The following PIK3R3 variants were observed in gnomAD, a reference collection of about 807,000 sequenced individuals.
The protein encoded by PIK3R3 is phosphatidylinositol 3-kinase regulatory subunit gamma.
In PIK3R3, 64 loss-of-function variants were observed where a neutral mutation model predicts 62.9. That is an observed-to-expected ratio of 1.02 (90% CI 0.83 to 1.25). The LOEUF is 1.25. Among genes scored for constraint, PIK3R3 ranks in the 50% most tolerant of loss-of-function variants. The pLI is 0.00. For missense variants in PIK3R3, 614 were observed against 561.6 expected, an observed-to-expected ratio of 1.09 and a Z score of -0.94; for synonymous variants, 165 against 189.0, an observed-to-expected ratio of 0.87 and a Z score of 1.04.
rs779829611 is a variant in PIK3R3, at chr1:46,061,981, T to C, written c.712A>G (p.Lys238Glu). 2.5e-6 allele frequency: 4 copies of C among 1,613,256 alleles called. No homozygotes were observed. In the South Asian group the frequency reaches 4.4e-5, roughly 18 times the overall value. The change falls in exon 6 of 10, where the codon AAA (lysine) becomes GAA (glutamate). Residue 238 changes from lysine to glutamate, a missense_variant. Lys to Glu is a moderately conservative substitution (Grantham distance 56). Transcript: ENST00000262741. ...EQCHTQEQHS[K>E]EYIERFRREG... is the part of the protein sequence containing the mutation. ...CTGCGAAATCGCTCAATATATTCTT[T>C]GCTATGTTGTTCTTGTGTGTGACAC...
intron 3 of PIK3R3, among the ~76,000 whole-genome samples, chr1:46,075,477 C>T (rs1483122929): frequency 6.6e-6 from 1 of 152,120 alleles, no homozygotes; most frequent in Non-Finnish European, 1.5e-5. Flanking sequence ...CAAAAACTAG[C>T]TGGGTGTGGT....
intron 3 of PIK3R3, among the ~76,000 whole-genome samples, chr1:46,071,712 A>AAAAAAAAAAAATAT (rs1472807815): frequency 4.1e-5 from 1 of 24,654 alleles, no homozygotes; most frequent in Non-Finnish European, 7.8e-5. Flanking sequence ...AAAAAAAAAA[A>AAAAAAAAAAAATAT]ATATATATAT....
intron 1 of PIK3R3, among the ~76,000 whole-genome samples, chr1:46,116,593 C>G (rs1203060287): frequency 6.7e-6 from 1 of 148,530 alleles, no homozygotes; most frequent in East Asian, 2.0e-4. Flanking sequence ...ACCCGGGAGG[C>G]AGAGGTTGCA....
intron 1 of PIK3R3, among the ~76,000 whole-genome samples, chr1:46,113,058 A>T (rs1324721914): frequency 3.9e-5 from 6 of 152,148 alleles, no homozygotes; most frequent in African/African-American, 1.4e-4. Flanking sequence ...GGCTTTCATA[A>T]CATCTTTCTT....
intron 3 of PIK3R3, among the ~76,000 whole-genome samples, chr1:46,069,839 G>C (rs766661187): frequency 2.6e-5 from 4 of 151,978 alleles, no homozygotes; most frequent in Non-Finnish European, 4.4e-5. Context: ...AGTGAGAGGA[G>C]AACTAAGAGT....
At chr1:46,109,015 C>T (rs533070108) in intron 1 of PIK3R3, among the ~76,000 whole-genome samples, 7 of 152,152 alleles carry the variant, frequency 4.6e-5, no homozygotes, top group East Asian at 3.9e-4. Context: ...AAAAATTAGC[C>T]GGGCATGGTA....
chr1:46,124,996 G>C (rs1460730377), intron 1 of PIK3R3, among the ~76,000 whole-genome samples: 2 of 152,112 alleles, frequency 1.3e-5, no homozygotes, highest in Non-Finnish European at 1.5e-5. Flanking sequence ...CTACTCGGGA[G>C]GCTGAGGCAG....
intron 6 of PIK3R3, chr1:46,057,158 A>C (rs527657246): frequency 6.5e-6 from 1 of 152,758 alleles, no homozygotes; most frequent in African/African-American, 2.4e-5. Context: ...TGATGGTTTT[A>C]TCAGGGGTTT....
At chr1:46,170,441 A>G in the PIK3R3 span, among the ~76,000 whole-genome samples, 1 of 151,938 alleles carries the variant, frequency 6.6e-6, no homozygotes, top group East Asian at 1.9e-4. Context: ...TTGTTTTGAG[A>G]CAAAGTCTAG....
chr1:46,061,955 T>C lies in PIK3R3; in HGVS notation c.738A>G (p.Arg246=), dbSNP rs1648532739. ...GTTCAATCTCCTTTTCATTCCCCTCTCTGCGAAATCGCTCAATATATTCTT... is the reference window on the plus strand; with the variant it reads ...GTTCAATCTCCTTTTCATTCCCCTCCCTGCGAAATCGCTCAATATATTCTT... ...HSKEYIERFR[R]EGNEKEIERI... is the part of the protein sequence containing the mutation. The change falls in exon 6 of 10, where the codon AGA becomes AGG. Residue 246 remains arginine (R), a synonymous_variant. Transcript: ENST00000262741. The C allele has an allele frequency of 6.2e-7, 1 of 1,613,546 alleles. No individual in the cohort carries two copies. Among genetic ancestry groups the C allele is most frequent in the Admixed American group, 1.7e-5 (1 of 60,000 alleles).
At chr1:46,110,520 G>GTAA (rs916400260) in intron 1 of PIK3R3, among the ~76,000 whole-genome samples, 11 of 151,798 alleles carry the variant, frequency 7.2e-5, no homozygotes, top group African/African-American at 2.7e-4. Flanking sequence ...GCCTTGTTAA[G>GTAA]TAATACCTCT....
At chr1:46,162,796 T>A in the PIK3R3 span, among the ~76,000 whole-genome samples, 3 of 152,118 alleles carry the variant, frequency 2.0e-5, no homozygotes, top group Non-Finnish European at 4.4e-5. Context: ...TAATATTTTG[T>A]ATTTTTAGTA....
rs1647056469 is a variant in PIK3R3, at chr1:46,044,320, T to G, written c.1188-449A>C. Among the ~76,000 whole-genome samples the G allele has an allele frequency of 6.6e-6, 1 of 152,024 alleles. No individual in the cohort carries two copies. The highest frequency in any genetic ancestry group is 2.4e-5 in the African/African-American group (1 of 41,374). On this transcript the variant is annotated intron_variant, in intron 9 of 9. Transcript: ENST00000262741. This position sits in a 1 kb window ranked among gnomAD's most constrained non-coding sequence, Gnocchi z 4.2. ...AACTCCTGGGCTCAAGGAATCCTCCTGCCTTAGCCTATTAAAATGCTGGGA... is the reference window on the plus strand; with the variant it reads ...AACTCCTGGGCTCAAGGAATCCTCCGGCCTTAGCCTATTAAAATGCTGGGA...
chr1:46,122,559 G>T (rs1374050904), intron 1 of PIK3R3, among the ~76,000 whole-genome samples: 1 of 151,940 alleles, frequency 6.6e-6, no homozygotes, highest in Non-Finnish European at 1.5e-5. Context: ...GTAGAGATAG[G>T]GTTTCACCAT....
the PIK3R3 span, among the ~76,000 whole-genome samples, chr1:46,150,400 A>G: frequency 6.6e-6 from 1 of 152,226 alleles, no homozygotes; most frequent in African/African-American, 2.4e-5. Flanking sequence ...AATGGAATAT[A>G]TAGGATATGG....
chr1:46,159,542 C>G, the PIK3R3 span, among the ~76,000 whole-genome samples: 2 of 152,192 alleles, frequency 1.3e-5, no homozygotes, highest in Non-Finnish European at 2.9e-5. Flanking sequence ...AAGACTGGCT[C>G]AAGCCCTCAT....
chr1:46,133,702 G>A (rs1441051902), upstream of PIK3R3, among the ~76,000 whole-genome samples: 2 of 152,012 alleles, frequency 1.3e-5, no homozygotes, highest in Non-Finnish European at 2.9e-5. Context: ...GCATTTCGCA[G>A]TTCCTCTGTG....
the PIK3R3 span, among the ~76,000 whole-genome samples, chr1:46,156,708 C>T: frequency 1.3e-5 from 2 of 152,242 alleles, no homozygotes; most frequent in African/African-American, 2.4e-5. Flanking sequence ...CAGGCCCAAG[C>T]GCCTGTCAAT....
chr1:46,111,345 A>G (rs78910217), intron 1 of PIK3R3, among the ~76,000 whole-genome samples: 203 of 152,238 alleles, frequency 1.3e-3, no homozygotes, highest in African/African-American at 4.7e-3. Flanking sequence ...TCAAGGCAGC[A>G]TGTACACAAA....
Sources: allele counts gnomAD v4.1 joint callset (sites outside exome capture counted in the v4.1 genomes callset), GRCh38; gene constraint gnomAD v4.1.1; non-coding constraint Gnocchi (gnomAD v3.1); transcripts MANE v1.5; gene names NCBI Gene and HGNC (gene_info 2026-07-23, HGNC 2026-07-21).